USP37: variants seen among roughly 807,000 people sequenced by gnomAD.
The protein encoded by USP37 is ubiquitin carboxyl-terminal hydrolase 37.
USP37 carries 27 observed loss-of-function variants against 124.0 expected under a neutral mutation model. The observed-to-expected ratio is 0.22, with a 90% confidence interval of 0.16 to 0.30. The LOEUF (loss-of-function observed/expected upper bound fraction) is 0.30. Ranked by LOEUF, USP37 falls within the 10% of genes least tolerant of loss-of-function variation. The pLI is 1.00. For missense variants in USP37, 889 were observed against 1,140.4 expected (o/e 0.78, Z 3.17); for synonymous variants, 365 against 388.0 (o/e 0.94, Z 0.70).
chr2:218,530,035 A>G lies in USP37; in HGVS notation c.784T>C (p.Leu262=), dbSNP rs1222635456. Residue 262 remains leucine (L), a synonymous_variant, in exon 10 of 26, where the codon TTA becomes CTA. Transcript: ENST00000258399. ...QSEENRTSGL[L]PLQSSSFYGS... ...TAAAAGGATGATGACTGTAAAGGTA[A>G]AAGCCCTATAAAACAAATGAACAAA... 3 of 1,598,238 alleles carry G rather than the reference A, an allele frequency of 1.9e-6. No individual in the cohort carries two copies. The highest frequency in any genetic ancestry group is 1.7e-4 in the Middle Eastern group (1 of 5,964).
intron 20 of USP37, among the ~76,000 whole-genome samples, chr2:218,468,612 C>T (rs974219976): frequency 3.9e-5 from 6 of 152,140 alleles, no homozygotes; most frequent in South Asian, 2.1e-4. Context: ...AACTGGCTAA[C>T]GAGAATTACC....
In USP37 at chr2:218,452,872, G is replaced by A. The variant is rs934744386; in HGVS notation, c.*2058C>T. 6 of 152,128 alleles carry A rather than the reference G, an allele frequency of 3.9e-5. No homozygotes were observed. Among genetic ancestry groups the A allele is most frequent in the African/African-American group, 7.2e-5 (3 of 41,422 alleles). The allele number at this position is 152,128 out of a possible 1,614,324, so 9.4% of individuals were successfully genotyped here. On this transcript the variant is annotated 3_prime_UTR_variant, in exon 26 of 26. Transcript: ENST00000258399. ...TAACTAGCCAAAGAATTTTATCACC[G>A]CTTCACTCATTTATAAGAAAACCAA... is the stretch of plus-strand genomic sequence containing the variant.
At chr2:218,467,817 A>C (rs2106412749) in intron 20 of USP37, among the ~76,000 whole-genome samples, 1 of 152,108 alleles carries the variant, frequency 6.6e-6, no homozygotes, top group South Asian at 2.1e-4. Flanking sequence ...ACGGCTAGCT[A>C]AAATAAACAG....
At chr2:218,476,464 A>G (rs1690986480) in intron 19 of USP37, among the ~76,000 whole-genome samples, 1 of 151,962 alleles carries the variant, frequency 6.6e-6, no homozygotes, top group Non-Finnish European at 1.5e-5. Context: ...AGTCCCAGCT[A>G]CTTGGGGAGC....
At position 218,453,250 on chromosome 2, in the gene USP37, T is replaced by G. The variant is rs2106400966; in HGVS notation, c.*1680A>C. ...CATCTTCTGTGATGATGGTTTGTGTTTTTTTTGTTTTTGTTTTCGTTTTTT... is the reference window on the plus strand; with the variant it reads ...CATCTTCTGTGATGATGGTTTGTGTGTTTTTTGTTTTTGTTTTCGTTTTTT... On this transcript the variant is annotated 3_prime_UTR_variant, in exon 26 of 26. Transcript: ENST00000258399. 1 of 145,408 alleles carries G rather than the reference T, an allele frequency of 6.9e-6. No homozygotes were observed. Among genetic ancestry groups the G allele is most frequent in the East Asian group, 1.9e-4 (1 of 5,174 alleles). The allele number at this position is 145,408 out of a possible 1,614,324, so 9.0% of individuals were successfully genotyped here. A position where few individuals can be genotyped will look rare whatever the true frequency, so the allele number is the denominator to read the frequency against.
Position 218,452,793 on chromosome 2 carries a change from T to C in USP37, c.*2137A>G, listed in dbSNP as rs932811363. 13 of 152,158 alleles carry C rather than the reference T, an allele frequency of 8.5e-5. No individual in the cohort carries two copies. Among genetic ancestry groups the C allele is most frequent in the African/African-American group, 3.1e-4 (13 of 41,442 alleles). 9.4% of individuals were successfully genotyped at this position (152,158 alleles called of 1,614,324 possible). A position where few individuals can be genotyped will look rare whatever the true frequency, so the allele number is the denominator to read the frequency against. On this transcript the variant is annotated 3_prime_UTR_variant, in exon 26 of 26. Transcript: ENST00000258399. ...AATTGCAGCCTGCACTTTAAATCTT[T>C]CCCAATAATTTTTAACAGTGCCTCT...
At chr2:218,507,721 C>T (rs929057791) in intron 11 of USP37, among the ~76,000 whole-genome samples, 1 of 152,040 alleles carries the variant, frequency 6.6e-6, no homozygotes, top group Non-Finnish European at 1.5e-5. Flanking sequence ...GAGGTTGGCA[C>T]GTCTTGTTTC....
intron 1 of USP37, among the ~76,000 whole-genome samples, chr2:218,563,163 CA>C (rs11399554): frequency 8.9e-4 from 110 of 123,578 alleles, no homozygotes; most frequent in Middle Eastern, 4.2e-3. Flanking sequence ...AACTCCATCT[CA>C]AAAAAAAAAA....
intron 4 of USP37, 67 bp downstream of exon 4, chr2:218,558,431 G>T: frequency 2.1e-6 from 3 of 1,448,064 alleles, no homozygotes; most frequent in South Asian, 1.4e-5. Context: ...TGTTTACTAT[G>T]GCACAGAATA....
chr2:218,493,006 TA>T lies in USP37; in HGVS notation c.1472+2753del, dbSNP rs1056062099. On this transcript the variant is annotated intron_variant, in intron 14 of 25. Transcript: ENST00000258399. ...TGGGTGACAGAGCAAGACTCTGTCTTAAAAAAAAAAAAATTTTTTTCCCTCA... is the reference window on the plus strand; with the variant it reads ...TGGGTGACAGAGCAAGACTCTGTCTTAAAAAAAAAAAATTTTTTTCCCTCA... 1.5e-3 allele frequency among the ~76,000 whole-genome samples: 228 copies of T among 148,246 alleles called. 1 individual carries two copies. The highest frequency in any genetic ancestry group is 4.4e-3 in the African/African-American group (173 of 39,720).
In USP37 at chr2:218,510,128, TG is replaced by T. The variant is rs1239210786; in HGVS notation, c.875del (p.Ser292Ter). The T allele has an allele frequency of 6.2e-7, 1 of 1,609,432 alleles. No homozygotes were observed. Among genetic ancestry groups the T allele is most frequent in the Non-Finnish European group, 8.5e-7 (1 of 1,179,100 alleles). On this transcript the variant is annotated frameshift_variant, in exon 11 of 26. Coordinates refer to ENST00000258399, the MANE Select transcript of USP37 (RefSeq NM_020935.3). LOFTEE classifies it high-confidence loss of function. ...GGTNLDRTNV[S>X]SQTPSAKRSL... ...TTCTTTTGGCAGAGGGAGTCTGGCT[TG>T]AAACATTAGTCCTACAAAAAAGCAT...
chr2:218,480,398 CAA>C (rs397868988), intron 17 of USP37, among the ~76,000 whole-genome samples: 3,282 of 48,388 alleles, frequency 0.068, 43 homozygotes, highest in African/African-American at 0.16. Context: ...GACTCCGTCT[CAA>C]AAAAAAAAAA....
intron 19 of USP37, 120 bp downstream of exon 19, chr2:218,476,720 T>G (rs1379954717): frequency 6.3e-6 from 7 of 1,115,890 alleles, no homozygotes; most frequent in Non-Finnish European, 8.4e-6. Context: ...CTGATTTCTG[T>G]AGCCAGAGAA....
At chr2:218,482,344 T>C (rs1013833943) in intron 16 of USP37, 110 bp from the exon 17 acceptor site, 2 of 1,230,736 alleles carry the variant, frequency 1.6e-6, no homozygotes, top group Non-Finnish European at 1.1e-6. Flanking sequence ...AAAAATCCAT[T>C]TGGCCAAACC....
chr2:218,485,547 C>A, intron 16 of USP37, 117 bp downstream of exon 16: 1 of 1,161,690 alleles, frequency 8.6e-7, no homozygotes, highest in African/African-American at 1.6e-5. Flanking sequence ...ATTCTGGTAA[C>A]CTTCATTTAT....
intron 14 of USP37, among the ~76,000 whole-genome samples, chr2:218,494,259 T>G (rs767562605): frequency 6.6e-6 from 1 of 152,190 alleles, no homozygotes; most frequent in Non-Finnish European, 1.5e-5. Flanking sequence ...TTGAGCAGCC[T>G]GAGAAAAATA....
intron 11 of USP37, among the ~76,000 whole-genome samples, chr2:218,501,555 C>A (rs114291615): frequency 0.028 from 4,225 of 152,194 alleles, 191 homozygotes; most frequent in African/African-American, 0.095. Flanking sequence ...CAATAGGCAG[C>A]ACAAAACAGT....
chr2:218,482,658 C>T (rs1391957609), intron 16 of USP37, among the ~76,000 whole-genome samples: 3 of 152,124 alleles, frequency 2.0e-5, no homozygotes, highest in Non-Finnish European at 4.4e-5. Context: ...TGATGGTAAA[C>T]ATTAATTACT....
intron 16 of USP37, among the ~76,000 whole-genome samples, chr2:218,482,652 G>A (rs926298620): frequency 6.6e-6 from 1 of 152,024 alleles, no homozygotes; most frequent in African/African-American, 2.4e-5. Context: ...TATATTTGAT[G>A]GTAAACATTA....
Sources: gnomAD v4.1 joint callset for allele counts (sites outside exome capture counted in the v4.1 genomes callset) on GRCh38, gnomAD v4.1.1 for gene constraint, MANE v1.5 for transcripts, NCBI Gene and HGNC (gene_info 2026-07-23, HGNC 2026-07-21) for gene names.